Variants in TRAPPC9 observed in about 807,000 individuals in gnomAD.
TRAPPC9 encodes the protein IKK2 binding protein.
TRAPPC9 carries 83 observed loss-of-function variants against 124.0 expected under a neutral mutation model. The observed-to-expected ratio is 0.67, with a 90% confidence interval of 0.56 to 0.80. The LOEUF (loss-of-function observed/expected upper bound fraction) is 0.80. Ranked by LOEUF, TRAPPC9 falls within the 30% of genes least tolerant of loss-of-function variation. The probability of loss-of-function intolerance (pLI) is 0.00; values close to 1 mark genes in which losing one functional copy is unlikely to be tolerated. For synonymous variants in TRAPPC9, 638 were observed against 617.5 expected (o/e 1.03, Z -0.49); for missense variants, 1,302 against 1,508.3 (o/e 0.86, Z 2.27).
chr8:140,439,974 A>C (rs2070950581), intron 2 of TRAPPC9, among the ~76,000 whole-genome samples: 1 of 152,220 alleles, frequency 6.6e-6, no homozygotes, highest in Admixed American at 6.5e-5. Context: ...TTTCTAAGTA[A>C]ATGAATGTTA....
At chr8:140,261,188 T>C (rs1279628234) in intron 15 of TRAPPC9, among the ~76,000 whole-genome samples, 1 of 152,246 alleles carries the variant, frequency 6.6e-6, no homozygotes, top group African/African-American at 2.4e-5. Flanking sequence ...GAAAGTCCTC[T>C]GTCTGCTCTG....
chr8:139,751,183 A>G (rs781595142), intron 21 of TRAPPC9, among the ~76,000 whole-genome samples: 22 of 152,208 alleles, frequency 1.4e-4, no homozygotes, highest in Non-Finnish European at 2.4e-4. Flanking sequence ...CACAGGTCTG[A>G]AACCTCTGGC....
At chr8:140,247,572 T>C (rs76637353) in intron 16 of TRAPPC9, among the ~76,000 whole-genome samples, 1 of 152,078 alleles carries the variant, frequency 6.6e-6, no homozygotes. Context: ...TTTTTTTTTT[T>C]AATTACAGAA....
intron 19 of TRAPPC9, among the ~76,000 whole-genome samples, chr8:139,986,250 C>CA (rs1587417884): frequency 6.6e-6 from 1 of 151,840 alleles, no homozygotes; most frequent in East Asian, 1.9e-4. Context: ...ATCAAAAAAA[C>CA]AAAAAACCAA....
chr8:140,025,565 C>CAA (rs11329773), intron 17 of TRAPPC9, among the ~76,000 whole-genome samples: 20 of 123,846 alleles, frequency 1.6e-4, no homozygotes, highest in African/African-American at 5.0e-4. Context: ...AAGCAAAATG[C>CAA]AAAAAAAAAA....
chr8:140,068,658 C>G (rs758808439), intron 17 of TRAPPC9, among the ~76,000 whole-genome samples: 1 of 152,148 alleles, frequency 6.6e-6, no homozygotes, highest in Non-Finnish European at 1.5e-5. Context: ...ATTCTTCAAT[C>G]GAAATAGCTT....
intron 21 of TRAPPC9, among the ~76,000 whole-genome samples, chr8:139,818,640 T>C (rs535206084): frequency 2.0e-3 from 311 of 152,302 alleles, no homozygotes; most frequent in Admixed American, 4.2e-3. Flanking sequence ...GTTTAACAAC[T>C]GGCTATTGTG....
intron 21 of TRAPPC9, among the ~76,000 whole-genome samples, chr8:139,772,567 T>C (rs1399373986): frequency 6.6e-6 from 1 of 152,206 alleles, no homozygotes; most frequent in Non-Finnish European, 1.5e-5. Context: ...CTGCCTTGCC[T>C]GGAGTCGGCT....
chr8:139,797,387 A>G (rs1268896501), intron 21 of TRAPPC9, among the ~76,000 whole-genome samples: 1 of 151,832 alleles, frequency 6.6e-6, no homozygotes, highest in Non-Finnish European at 1.5e-5. Context: ...AGCCTCCCAA[A>G]GAGCTGGGAT....
chr8:140,229,861 A>G (rs1045337423), intron 16 of TRAPPC9, among the ~76,000 whole-genome samples: 1 of 152,138 alleles, frequency 6.6e-6, no homozygotes, highest in African/African-American at 2.4e-5. Context: ...CCTGGCCTCC[A>G]TATGTTTTCA....
At chr8:140,117,510 C>G (rs576561817) in intron 17 of TRAPPC9, among the ~76,000 whole-genome samples, 1 of 152,120 alleles carries the variant, frequency 6.6e-6, no homozygotes, top group Non-Finnish European at 1.5e-5. Context: ...GACAGTAAGA[C>G]AGAAGGGCCA....
intron 16 of TRAPPC9, among the ~76,000 whole-genome samples, chr8:140,248,339 C>T (rs2064036772): frequency 6.6e-6 from 1 of 152,238 alleles, no homozygotes; most frequent in African/African-American, 2.4e-5. Context: ...GAATTATTTG[C>T]ACTCATCTGC....
chr8:139,752,289 A>C (rs61723447), intron 21 of TRAPPC9, among the ~76,000 whole-genome samples: 101 of 124,646 alleles, frequency 8.1e-4, no homozygotes, highest in African/African-American at 1.2e-3. Context: ...CCCATCCATC[A>C]ACCCATCTAC....
intron 20 of TRAPPC9, among the ~76,000 whole-genome samples, chr8:139,906,722 G>A (rs554161130): frequency 4.4e-4 from 67 of 152,178 alleles, no homozygotes; most frequent in African/African-American, 1.5e-3. Context: ...GTGGTCCCTC[G>A]GCACTTTTTT....
intron 17 of TRAPPC9, among the ~76,000 whole-genome samples, chr8:140,157,457 T>G (rs1157434776): frequency 6.6e-6 from 1 of 152,188 alleles, no homozygotes; most frequent in African/African-American, 2.4e-5. Flanking sequence ...GAGGAACCAA[T>G]CCACCCTCAA....
chr8:139,884,505 T>A (rs1829877047), intron 21 of TRAPPC9, among the ~76,000 whole-genome samples: 1 of 152,246 alleles, frequency 6.6e-6, no homozygotes, highest in African/African-American at 2.4e-5. Flanking sequence ...CCCATGAAAG[T>A]CCTGCATAGC....
intron 7 of TRAPPC9, among the ~76,000 whole-genome samples, chr8:140,389,682 G>A (rs1313654108): frequency 6.6e-6 from 1 of 152,120 alleles, no homozygotes; most frequent in East Asian, 1.9e-4. Context: ...TTAATATTCA[G>A]CTCAGCTCTA....
intron 17 of TRAPPC9, among the ~76,000 whole-genome samples, chr8:140,091,511 G>T (rs1336112257): frequency 6.6e-6 from 1 of 152,194 alleles, no homozygotes; most frequent in East Asian, 1.9e-4. Context: ...CTTTGAAAAT[G>T]TCTCTACTTC....
At chr8:140,374,610 A>T (rs2068381793) in intron 7 of TRAPPC9, among the ~76,000 whole-genome samples, 2 of 152,034 alleles carry the variant, frequency 1.3e-5, no homozygotes, top group Admixed American at 1.3e-4. Context: ...GAAAAAGAAG[A>T]GGTGGGGGTA....
Sources: allele counts gnomAD v4.1 joint callset (sites outside exome capture counted in the v4.1 genomes callset), GRCh38; gene constraint gnomAD v4.1.1; transcripts MANE v1.5; gene names NCBI Gene and HGNC (gene_info 2026-07-23, HGNC 2026-07-21).